The following STX8 variants were observed in gnomAD, a reference collection of about 807,000 sequenced individuals.
STX8 encodes syntaxin-8.
A neutral mutation model predicts 37.5 loss-of-function variants in STX8; 23 were observed. The ratio of observed to expected loss-of-function variants is 0.61; its 90% CI spans 0.44 to 0.87. The LOEUF (loss-of-function observed/expected upper bound fraction) is 0.87. STX8 is among the 40% of genes least tolerant of loss of function. The pLI is 0.00. For synonymous variants in STX8, 115 were observed against 99.1 expected (o/e 1.16, Z -0.95); for missense variants, 313 against 284.7 (o/e 1.10, Z -0.71).
intron 5 of STX8, among the ~76,000 whole-genome samples, chr17:9,500,974 C>T (rs2142493336): frequency 6.6e-6 from 1 of 152,200 alleles, no homozygotes; most frequent in East Asian, 1.9e-4. Context: ...TACTGCACTC[C>T]AGCCTGGGTC....
intron 6 of STX8, among the ~76,000 whole-genome samples, chr17:9,408,997 C>T (rs1374225559): frequency 6.6e-6 from 1 of 151,692 alleles, no homozygotes; most frequent in Admixed American, 6.6e-5. Flanking sequence ...AGAGTTAAGC[C>T]CAGGTTCTCC....
intron 6 of STX8, among the ~76,000 whole-genome samples, chr17:9,470,974 C>T (rs1004849236): frequency 6.7e-6 from 1 of 150,138 alleles, no homozygotes; most frequent in African/African-American, 2.4e-5. Flanking sequence ...ACCTCGTGAT[C>T]CACCTGCCTC....
chr17:9,500,106 T>G (rs1904557584), intron 5 of STX8, among the ~76,000 whole-genome samples: 1 of 152,052 alleles, frequency 6.6e-6, no homozygotes, highest in Non-Finnish European at 1.5e-5. Context: ...CCAAATATGG[T>G]AATGGGTGAA....
At chr17:9,491,033 C>T (rs1027777928) in intron 6 of STX8, among the ~76,000 whole-genome samples, 4 of 152,202 alleles carry the variant, frequency 2.6e-5, no homozygotes, top group Non-Finnish European at 4.4e-5. Context: ...CGCTGTCACA[C>T]GTCACCTCTA....
At chr17:9,469,071 T>C (rs1905734757) in intron 6 of STX8, 1 of 152,210 alleles carries the variant, frequency 6.6e-6, no homozygotes, top group Non-Finnish European at 1.5e-5. Context: ...AAAATTGCTT[T>C]CATTGTTATC....
At chr17:9,347,145 T>TAAAAAAAAA (rs879650056) in intron 7 of STX8, among the ~76,000 whole-genome samples, 1 of 127,252 alleles carries the variant, frequency 7.9e-6, no homozygotes, top group Non-Finnish European at 1.7e-5. Context: ...AATAAAAAAA[T>TAAAAAAAAA]AAAAAAAAAA....
chr17:9,335,092 T>C (rs556972977), intron 7 of STX8, among the ~76,000 whole-genome samples: 10 of 152,222 alleles, frequency 6.6e-5, no homozygotes, highest in African/African-American at 1.7e-4. Context: ...CCCATCAAAC[T>C]ATTCACCCCA....
Position 9,538,550 on chromosome 17 carries a change from A to G in STX8, c.323+6622T>C, listed in dbSNP as rs1434492695. Among the ~76,000 whole-genome samples, 4 of 152,212 alleles carry G rather than the reference A, an allele frequency of 2.6e-5. No homozygotes were observed. The East Asian group carries it at 7.7e-4, about 29-fold the overall frequency. On this transcript the variant is annotated intron_variant, in intron 4 of 7. Coordinates refer to ENST00000306357, the MANE Select transcript of STX8 (RefSeq NM_004853.3). ...TATACTGATATGAAATACACATTGGAAATATCATGTTTTGTCAGTAGTGCA... is the reference window on the plus strand; with the variant it reads ...TATACTGATATGAAATACACATTGGGAATATCATGTTTTGTCAGTAGTGCA...
At chr17:9,472,326 G>A (rs1306099340) in intron 6 of STX8, among the ~76,000 whole-genome samples, 3 of 152,192 alleles carry the variant, frequency 2.0e-5, no homozygotes, top group African/African-American at 4.8e-5. Flanking sequence ...GAGTAAATGC[G>A]AGAGTACTGC....
chr17:9,418,363 G>A (rs1036778340), intron 6 of STX8, among the ~76,000 whole-genome samples: 7 of 152,082 alleles, frequency 4.6e-5, no homozygotes, highest in East Asian at 1.9e-4. Flanking sequence ...AGTGAAAGTC[G>A]AAAACTAACA....
chr17:9,349,365 G>C (rs977874346), intron 7 of STX8, among the ~76,000 whole-genome samples: 5 of 135,000 alleles, frequency 3.7e-5, no homozygotes, highest in Non-Finnish European at 6.1e-5. Flanking sequence ...TTGTTGTCCA[G>C]GCTAGAGTGC....
At chr17:9,536,748 T>TTA (rs36115310) in intron 4 of STX8, among the ~76,000 whole-genome samples, 898 of 73,308 alleles carry the variant, frequency 0.012, 9 homozygotes, top group African/African-American at 0.075. Context: ...CTTATTATTA[T>TTA]TTTTTTTTTT....
intron 7 of STX8, among the ~76,000 whole-genome samples, chr17:9,361,206 G>GA (rs934071650): frequency 6.6e-6 from 1 of 151,464 alleles, no homozygotes; most frequent in Non-Finnish European, 1.5e-5. Context: ...GCTGATTAAA[G>GA]AAAAAAAAAT....
At chr17:9,533,332 G>A (rs1267423391) in intron 4 of STX8, among the ~76,000 whole-genome samples, 1 of 152,156 alleles carries the variant, frequency 6.6e-6, no homozygotes, top group Non-Finnish European at 1.5e-5. Flanking sequence ...GCTGGGCAGG[G>A]TGATATGTGC....
rs772922219 is a variant in STX8, at chr17:9,568,401, T to G, written c.87A>C (p.Gln29His). 6.2e-7 allele frequency: 1 copy of G among 1,612,434 alleles called. No homozygotes were observed. The highest frequency in any genetic ancestry group is 2.2e-5 in the East Asian group (1 of 44,878). Residue 29 changes from glutamine to histidine, a missense_variant, in exon 2 of 8, where the codon CAA becomes CAC. Coordinates refer to ENST00000306357, the MANE Select transcript of STX8 (RefSeq NM_004853.3). ...GTGCCTTTTCACCTTTTCTTTCATATTGATTTCGTTGTTGAATTTTCTCAG... is the reference window on the plus strand; with the variant it reads ...GTGCCTTTTCACCTTTTCTTTCATAGTGATTTCGTTGTTGAATTTTCTCAG... Reference protein sequence around the residue: ...EIAEKIQQRNQYERKGEKAPK... With the variant: ...EIAEKIQQRNHYERKGEKAPK...
intron 6 of STX8, among the ~76,000 whole-genome samples, chr17:9,447,500 G>A (rs761692127): frequency 5.9e-5 from 9 of 152,132 alleles, no homozygotes; most frequent in East Asian, 1.9e-4. Flanking sequence ...TCAGCTCACT[G>A]CAACCTCGGC....
At chr17:9,357,945 T>C (rs1910940404) in intron 7 of STX8, among the ~76,000 whole-genome samples, 1 of 152,186 alleles carries the variant, frequency 6.6e-6, no homozygotes, top group Non-Finnish European at 1.5e-5. Context: ...ACAACAGCCC[T>C]CTCTGTAAAG....
At chr17:9,548,548 G>A (rs767828565) in intron 3 of STX8, 10 of 152,168 alleles carry the variant, frequency 6.6e-5, no homozygotes, top group Non-Finnish European at 1.2e-4. Flanking sequence ...TAGAAGCAAG[G>A]ATGTCCACTG....
At chr17:9,376,363 C>G (rs1337559084) in intron 7 of STX8, among the ~76,000 whole-genome samples, 2 of 152,148 alleles carry the variant, frequency 1.3e-5, no homozygotes, top group African/African-American at 4.8e-5. Context: ...AATCAGTGCT[C>G]TGTGTCTAGC....
Sources: gnomAD v4.1 joint callset for allele counts (sites outside exome capture counted in the v4.1 genomes callset) on GRCh38, gnomAD v4.1.1 for gene constraint, MANE v1.5 for transcripts, NCBI Gene and HGNC (gene_info 2026-07-23, HGNC 2026-07-21) for gene names.